Variants in SAMD5 observed in about 807,000 individuals in gnomAD.
SAMD5 encodes the protein sterile alpha motif domain containing 5, also known as sterile alpha motif domain-containing protein 5.
Under a neutral mutation model 11.3 loss-of-function variants are expected in SAMD5, and 13 were observed. The observed-to-expected ratio is 1.15, with a 90% CI of 0.75 to 1.83. The LOEUF is 1.83. Among genes scored for constraint, SAMD5 ranks in the 40% most tolerant of loss-of-function variants. SAMD5 has a pLI of 0.00. For synonymous variants in SAMD5, 129 were observed against 111.3 expected (o/e 1.16, Z -1.00); for missense variants, 255 against 239.1 (o/e 1.07, Z -0.44).
chr6:147,602,431 C>A (rs1299972376), intron 1 of SAMD5, among the ~76,000 whole-genome samples: 1 of 152,118 alleles, frequency 6.6e-6, no homozygotes, highest in East Asian at 1.9e-4. Flanking sequence ...CTTGTGGAAA[C>A]AAACATTGTC....
rs184922605 is a variant in SAMD5 at position 147,568,638 on chromosome 6, A to G, written c.*4182A>G. 3.2e-4 allele frequency: 318 copies of G among 985,310 alleles called. 3 individuals are homozygous for G. In the African/African-American group the frequency reaches 5.2e-3, roughly 16 times the overall value. 61.0% of individuals were successfully genotyped at this position (985,310 alleles called of 1,614,324 possible). On this transcript the variant is annotated 3_prime_UTR_variant, in exon 2 of 2. Coordinates refer to ENST00000367474, the MANE Select transcript of SAMD5 (RefSeq NM_001030060.3). ...ACAGTAAAGCCATATAGATGCACAC[A>G]TAGTGACTTTATTAAATCAAATGAG...
Position 147,565,557 on chromosome 6 carries a change from CA to C in SAMD5, c.*1103del, listed in dbSNP as rs1202069718. The C allele has an allele frequency of 1.8e-6, 1 of 567,704 alleles. No homozygotes were observed. The highest frequency in any genetic ancestry group is 1.5e-4 in the East Asian group (1 of 6,738). The allele number at this position is 567,704 out of a possible 1,614,324, so 35.2% of individuals were successfully genotyped here. Reference sequence around the variant, plus strand: ...CACAGTGACTTTCGCCTCCCAGGTTCAAGGAATTCTCCTGCCTCGGCCTCTT... The same window carrying C: ...CACAGTGACTTTCGCCTCCCAGGTTCAGGAATTCTCCTGCCTCGGCCTCTT... On this transcript the variant is annotated 3_prime_UTR_variant, in exon 2 of 2. Transcript: ENST00000367474.
At chr6:147,936,192 G>T in the SAMD5 span, among the ~76,000 whole-genome samples, 2 of 152,282 alleles carry the variant, frequency 1.3e-5, no homozygotes, top group African/African-American at 4.8e-5. Context: ...ACTCTTCTCA[G>T]CCTGTTAATC....
downstream of SAMD5, among the ~76,000 whole-genome samples, chr6:147,739,412 T>G (rs7771704): frequency 6.6e-6 from 1 of 152,038 alleles, no homozygotes; most frequent in Non-Finnish European, 1.5e-5. Context: ...CCGGGCAACA[T>G]AGTGAGACTT....
the SAMD5 span, among the ~76,000 whole-genome samples, chr6:147,943,268 G>C: frequency 2.6e-5 from 4 of 152,136 alleles, no homozygotes; most frequent in Non-Finnish European, 4.4e-5. Context: ...GCCAAATGTT[G>C]TTCCTTGGAA....
chr6:147,534,308 C>T (rs1198243312), intron 1 of SAMD5, among the ~76,000 whole-genome samples: 3 of 152,106 alleles, frequency 2.0e-5, no homozygotes, highest in Admixed American at 6.5e-5. Flanking sequence ...CTCGTGGCAC[C>T]CTTTTTGAAG....
chr6:147,759,745 T>G, the SAMD5 span, among the ~76,000 whole-genome samples: 2 of 152,158 alleles, frequency 1.3e-5, no homozygotes, highest in Non-Finnish European at 2.9e-5. Flanking sequence ...TTTGGCAGCA[T>G]GATTTCAAAA....
At chr6:147,624,557 C>T (rs2128450626) in intron 1 of SAMD5, among the ~76,000 whole-genome samples, 1 of 152,302 alleles carries the variant, frequency 6.6e-6, no homozygotes, top group Middle Eastern at 3.4e-3. Flanking sequence ...CTGAGAATGC[C>T]ATTAATCCAT....
At chr6:147,823,561 G>A in the SAMD5 span, among the ~76,000 whole-genome samples, 1 of 152,132 alleles carries the variant, frequency 6.6e-6, no homozygotes, top group East Asian at 1.9e-4. Flanking sequence ...AACCAGCATG[G>A]CATATCTATA....
the SAMD5 span, among the ~76,000 whole-genome samples, chr6:147,801,895 A>G: frequency 6.6e-6 from 1 of 152,182 alleles, no homozygotes; most frequent in Non-Finnish European, 1.5e-5. Flanking sequence ...CCTATTTCAC[A>G]CTGTATGACA....
At chr6:147,550,117 C>T (rs894034021) in intron 1 of SAMD5, among the ~76,000 whole-genome samples, 4 of 151,950 alleles carry the variant, frequency 2.6e-5, no homozygotes, top group African/African-American at 4.8e-5. Context: ...TGGTGGCCCA[C>T]TTGTAGTTTG....
the SAMD5 span, among the ~76,000 whole-genome samples, chr6:147,889,082 C>T: frequency 3.3e-5 from 5 of 152,102 alleles, no homozygotes; most frequent in African/African-American, 1.2e-4. Flanking sequence ...TTTCCTCATC[C>T]TCTTCTCACC....
the SAMD5 span, among the ~76,000 whole-genome samples, chr6:147,899,206 A>G: frequency 1.1e-3 from 167 of 150,644 alleles, 1 homozygote; most frequent in Non-Finnish European, 1.9e-3. Flanking sequence ...TAACGTGTCA[A>G]CAGTGCATTG....
the SAMD5 span, among the ~76,000 whole-genome samples, chr6:147,873,214 T>A: frequency 4.6e-5 from 7 of 151,954 alleles, no homozygotes; most frequent in Admixed American, 4.6e-4. Flanking sequence ...CTGTCTCTAC[T>A]AAAAATACAA....
the SAMD5 span, among the ~76,000 whole-genome samples, chr6:147,937,377 T>C: frequency 2.0e-5 from 3 of 152,174 alleles, no homozygotes; most frequent in African/African-American, 7.2e-5. Flanking sequence ...AGCCTAACCA[T>C]TCCTTAAAGT....
the SAMD5 span, among the ~76,000 whole-genome samples, chr6:147,864,887 A>G: frequency 6.6e-6 from 1 of 152,180 alleles, no homozygotes; most frequent in Non-Finnish European, 1.5e-5. Context: ...TGTATAGTAA[A>G]TAAACACACA....
At chr6:147,764,972 TTATAATC>T in the SAMD5 span, among the ~76,000 whole-genome samples, 4,430 of 152,274 alleles carry the variant, frequency 0.029, 84 homozygotes, top group South Asian at 0.048. Flanking sequence ...CATTTACAGT[TTATAATC>T]TATAGATCTC....
At chr6:147,581,573 C>T (rs844554) in intron 1 of SAMD5, among the ~76,000 whole-genome samples, 12,953 of 151,974 alleles carry the variant, frequency 0.085, 861 homozygotes, top group African/African-American at 0.2. Flanking sequence ...AGGCAGTCAC[C>T]GAGGATGAAA....
the SAMD5 span, among the ~76,000 whole-genome samples, chr6:147,870,449 A>AGT: frequency 0.069 from 9,540 of 137,556 alleles, 332 homozygotes; most frequent in African/African-American, 0.084. Flanking sequence ...TGTGTGTGTG[A>AGT]GTGTGTGTGT....
Sources: gnomAD v4.1 joint callset for allele counts (sites outside exome capture counted in the v4.1 genomes callset) on GRCh38, gnomAD v4.1.1 for gene constraint, MANE v1.5 for transcripts, NCBI Gene and HGNC (gene_info 2026-07-23, HGNC 2026-07-21) for gene names.